The following MAP2K6 variants were observed in gnomAD, a reference collection of about 807,000 sequenced individuals.
MAP2K6 encodes dual specificity mitogen-activated protein kinase kinase 6.
A neutral mutation model predicts 53.7 loss-of-function variants in MAP2K6; 16 were observed. The ratio of observed to expected loss-of-function variants is 0.30; its 90% CI spans 0.20 to 0.45. The LOEUF (loss-of-function observed/expected upper bound fraction) is 0.45, where lower values mean the gene tolerates loss of function less well. Ranked by LOEUF, MAP2K6 falls within the 20% of genes least tolerant of loss-of-function variation. MAP2K6 has a pLI of 1.00. For synonymous variants in MAP2K6, 132 were observed against 143.1 expected (o/e 0.92, Z 0.55); for missense variants, 204 against 411.9 (o/e 0.50, Z 4.37).
chr17:69,496,274 C>CTTTT (rs10676734), intron 1 of MAP2K6, among the ~76,000 whole-genome samples: 152 of 140,356 alleles, frequency 1.1e-3, no homozygotes, highest in African/African-American at 3.9e-3. Context: ...GCCTTCCCTT[C>CTTTT]TTTTTTTTTT....
In MAP2K6 at chr17:69,512,339, G is replaced by GTTTTTT. The variant is rs746993199; in HGVS notation, c.84-4503_84-4498dup. 2.3e-4 allele frequency among the ~76,000 whole-genome samples: 19 copies of GTTTTTT among 82,130 alleles called. 1 individual carries two copies. Among genetic ancestry groups the GTTTTTT allele is most frequent in the South Asian group, 4.7e-4 (1 of 2,134 alleles). The allele number at this position is 82,130 out of a possible 152,430, so 53.9% of individuals were successfully genotyped here. A position where few individuals can be genotyped will look rare whatever the true frequency, so the allele number is the denominator to read the frequency against. On this transcript the variant is annotated intron_variant, in intron 2 of 11. Coordinates refer to ENST00000590474, the MANE Select transcript of MAP2K6 (RefSeq NM_002758.4). ...TTGTCTTTCTAAGTGTTTTTTTTTT[G>GTTTTTT]TTTTTTTTTTTTTTTTTTGAGACAG...
intron 10 of MAP2K6, among the ~76,000 whole-genome samples, chr17:69,533,522 C>T (rs1289420911): frequency 1.3e-5 from 2 of 152,116 alleles, no homozygotes; most frequent in African/African-American, 2.4e-5. Flanking sequence ...GGCCTGGGTC[C>T]TCAGTGAGAG....
At chr17:69,517,014 G>T in intron 3 of MAP2K6, 111 bp downstream of exon 3, 1 of 857,952 alleles carries the variant, frequency 1.2e-6, no homozygotes, top group Non-Finnish European at 1.9e-6. Flanking sequence ...GTCAAAAAAA[G>T]TTTGCATTTA....
At chr17:69,421,400 T>C (rs1385699400) in intron 1 of MAP2K6, among the ~76,000 whole-genome samples, 1 of 152,178 alleles carries the variant, frequency 6.6e-6, no homozygotes, top group Non-Finnish European at 1.5e-5. Context: ...TTAAAAAATA[T>C]GAGAAGATGA....
rs979103541 is a variant in MAP2K6 at position 69,542,974 on chromosome 17, G to A, written c.*1221G>A. ...GGACTACCAGATGACCACAAGTTGC[G>A]TTGAGGCCGCATCTTTCTTCAGCAG... On this transcript the variant is annotated 3_prime_UTR_variant, in exon 12 of 12. Transcript: ENST00000590474. The A allele has an allele frequency of 1.3e-5, 2 of 152,194 alleles. No homozygotes were observed. The highest frequency in any genetic ancestry group is 2.9e-5 in the Non-Finnish European group (2 of 68,032). The allele number at this position is 152,194 out of a possible 1,614,324, so 9.4% of individuals were successfully genotyped here.
intron 1 of MAP2K6, among the ~76,000 whole-genome samples, chr17:69,487,276 G>A (rs557965064): frequency 6.6e-6 from 1 of 152,314 alleles, no homozygotes; most frequent in Admixed American, 6.5e-5. Context: ...AAAGCCGACT[G>A]CTTACATCTG....
chr17:69,436,748 A>C (rs532864460), intron 1 of MAP2K6, among the ~76,000 whole-genome samples: 1 of 143,668 alleles, frequency 7.0e-6, no homozygotes, highest in Admixed American at 6.9e-5. Flanking sequence ...AGGGACACTG[A>C]CCCCCCCATG....
intron 11 of MAP2K6, among the ~76,000 whole-genome samples, chr17:69,536,807 G>A (rs555841693): frequency 2.5e-4 from 38 of 152,304 alleles, no homozygotes; most frequent in South Asian, 8.3e-4. Flanking sequence ...GCCGGGCATG[G>A]TGGCTGTTCA....
At chr17:69,423,812 T>C (rs538713429) in intron 1 of MAP2K6, among the ~76,000 whole-genome samples, 2 of 152,238 alleles carry the variant, frequency 1.3e-5, no homozygotes, top group Non-Finnish European at 2.9e-5. Context: ...GCTTATTAAT[T>C]CTTCCCTGAG....
intron 1 of MAP2K6, among the ~76,000 whole-genome samples, chr17:69,463,401 GTATA>G (rs900917346): frequency 6.8e-6 from 1 of 146,840 alleles, no homozygotes; most frequent in African/African-American, 2.5e-5. Flanking sequence ...ATAATTATAT[GTATA>G]TATATCACTA....
intron 1 of MAP2K6, among the ~76,000 whole-genome samples, chr17:69,493,498 C>T (rs979609168): frequency 9.9e-5 from 15 of 152,184 alleles, no homozygotes; most frequent in African/African-American, 3.1e-4. Context: ...TGGTGTCTCA[C>T]GCCTGTAATC....
chr17:69,521,179 TC>T (rs869301249), intron 7 of MAP2K6, 79 bp downstream of exon 7: 1 of 1,299,952 alleles, frequency 7.7e-7, no homozygotes, highest in Non-Finnish European at 1.1e-6. Context: ...CTACCCCCAG[TC>T]CCCCATGGGT....
At chr17:69,500,618 T>G (rs1228288296) in intron 1 of MAP2K6, among the ~76,000 whole-genome samples, 2 of 151,744 alleles carry the variant, frequency 1.3e-5, no homozygotes, top group African/African-American at 4.8e-5. Context: ...TAGTTGGGCG[T>G]GATGGCGGGC....
At chr17:69,429,481 A>G (rs2145135543) in intron 1 of MAP2K6, among the ~76,000 whole-genome samples, 1 of 152,098 alleles carries the variant, frequency 6.6e-6, no homozygotes, top group South Asian at 2.1e-4. Context: ...GAACCAAGCC[A>G]TGGCAAAGCT....
intron 1 of MAP2K6, among the ~76,000 whole-genome samples, chr17:69,451,363 G>A (rs968996418): frequency 6.6e-6 from 1 of 152,190 alleles, no homozygotes; most frequent in East Asian, 1.9e-4. Context: ...CCAAAGAGCT[G>A]CTTTCGCAGC....
At chr17:69,456,119 C>T (rs1158206633) in intron 1 of MAP2K6, among the ~76,000 whole-genome samples, 3 of 152,138 alleles carry the variant, frequency 2.0e-5, no homozygotes, top group African/African-American at 7.2e-5. Flanking sequence ...CATCGGCCTC[C>T]CAAAGTGCTG....
At chr17:69,514,808 C>T (rs1344297697) in intron 2 of MAP2K6, among the ~76,000 whole-genome samples, 1 of 151,916 alleles carries the variant, frequency 6.6e-6, no homozygotes, top group Admixed American at 6.6e-5. Context: ...GTGATCCGCC[C>T]ACCTCAGCCT....
chr17:69,529,416 C>G (rs192922655), intron 10 of MAP2K6, among the ~76,000 whole-genome samples: 5 of 151,456 alleles, frequency 3.3e-5, no homozygotes, highest in Middle Eastern at 3.4e-3. Flanking sequence ...TATTTTTTCT[C>G]TTACTGGAAT....
Position 69,541,817 on chromosome 17 carries a change from C to T in MAP2K6, c.*64C>T. ...GGTGGGTTTCGGGGTGAAGCAAGTT[C>T]ACTACAGCATCAATAGAAAGTCATC... On this transcript the variant is annotated 3_prime_UTR_variant, in exon 12 of 12. Transcript: ENST00000590474. 1.4e-5 allele frequency: 16 copies of T among 1,168,076 alleles called. No individual in the cohort carries two copies. The highest frequency in any genetic ancestry group is 1.9e-5 in the Non-Finnish European group (15 of 783,576). The allele number at this position is 1,168,076 out of a possible 1,614,324, so 72.4% of individuals were successfully genotyped here. A position where few individuals can be genotyped will look rare whatever the true frequency, so the allele number is the denominator to read the frequency against.
Sources: allele counts gnomAD v4.1 joint callset (sites outside exome capture counted in the v4.1 genomes callset), GRCh38; gene constraint gnomAD v4.1.1; transcripts MANE v1.5; gene names NCBI Gene and HGNC (gene_info 2026-07-23, HGNC 2026-07-21).